SDCCAG8: variants seen among roughly 807,000 people sequenced by gnomAD.
SDCCAG8 encodes serologically defined colon cancer antigen 8.
SDCCAG8 carries 74 observed loss-of-function variants against 101.8 expected under a neutral mutation model. The observed-to-expected ratio is 0.73, with a 90% CI of 0.60 to 0.88. The LOEUF is 0.88. SDCCAG8 is among the 40% of genes least tolerant of loss of function. The pLI is 0.00. For synonymous variants in SDCCAG8, 281 were observed against 292.9 expected (o/e 0.96, Z 0.41); for missense variants, 787 against 822.6 (o/e 0.96, Z 0.53).
At chr1:243,289,830 A>G (rs1028699065) in intron 5 of SDCCAG8, among the ~76,000 whole-genome samples, 4 of 152,162 alleles carry the variant, frequency 2.6e-5, no homozygotes, top group Admixed American at 6.5e-5. Flanking sequence ...TGCAGAGGAT[A>G]GAAGTTTTCC....
At chr1:243,447,267 A>C (rs2082990282) in intron 16 of SDCCAG8, among the ~76,000 whole-genome samples, 2 of 150,796 alleles carry the variant, frequency 1.3e-5, no homozygotes, top group Non-Finnish European at 3.0e-5. Context: ...AAAAAAAAAA[A>C]AAAAAAAAAC....
At chr1:243,256,994 G>C (rs903032607) in intron 1 of SDCCAG8, among the ~76,000 whole-genome samples, 4 of 152,160 alleles carry the variant, frequency 2.6e-5, no homozygotes, top group Non-Finnish European at 5.9e-5. Context: ...TGGACTTAAT[G>C]TCTGTACTTT....
chr1:243,270,931 C>G, intron 2 of SDCCAG8, 47 bp from the exon 3 acceptor site: 1 of 1,378,158 alleles, frequency 7.3e-7, no homozygotes. Flanking sequence ...GGTAAGAAAC[C>G]ATGGATCTCA....
chr1:243,434,045 T>G (rs1254878079), intron 16 of SDCCAG8, among the ~76,000 whole-genome samples: 1 of 152,230 alleles, frequency 6.6e-6, no homozygotes, highest in Admixed American at 6.5e-5. Context: ...GAGGTCATCT[T>G]CATTTTCAAA....
At chr1:243,492,046 G>T (rs572014944) in intron 17 of SDCCAG8, among the ~76,000 whole-genome samples, 60 of 152,222 alleles carry the variant, frequency 3.9e-4, no homozygotes, top group Non-Finnish European at 7.8e-4. Context: ...CCCTGGTGGT[G>T]GGGCTCAGGC....
chr1:243,286,667 G>A (rs547499797), intron 5 of SDCCAG8, among the ~76,000 whole-genome samples: 1 of 152,316 alleles, frequency 6.6e-6, no homozygotes, highest in African/African-American at 2.4e-5. Context: ...AGCAGGAAGT[G>A]TGTTATACAG....
chr1:243,362,647 G>T (rs2076785364), intron 12 of SDCCAG8, among the ~76,000 whole-genome samples: 1 of 152,124 alleles, frequency 6.6e-6, no homozygotes, highest in Admixed American at 6.5e-5. Flanking sequence ...CTAATACTGT[G>T]ATCCTTAGCT....
intron 1 of SDCCAG8, chr1:243,269,115 A>T (rs191221961): frequency 6.6e-6 from 1 of 152,410 alleles, no homozygotes; most frequent in Non-Finnish European, 1.5e-5. Context: ...TATCTTACAT[A>T]GCGGCTTAGG....
intron 13 of SDCCAG8, among the ~76,000 whole-genome samples, chr1:243,415,391 A>G (rs1327364847): frequency 6.6e-6 from 1 of 152,222 alleles, no homozygotes; most frequent in Admixed American, 6.5e-5. Context: ...ACATTCATTG[A>G]TAGTGTAAAA....
chr1:243,322,964 G>A (rs944416666), intron 9 of SDCCAG8, among the ~76,000 whole-genome samples: 3 of 151,950 alleles, frequency 2.0e-5, no homozygotes, highest in East Asian at 1.9e-4. Context: ...GTGAGACCCC[G>A]TCTCTACTAA....
intron 15 of SDCCAG8, among the ~76,000 whole-genome samples, chr1:243,426,178 A>G (rs573812252): frequency 6.6e-6 from 1 of 151,758 alleles, no homozygotes; most frequent in East Asian, 1.9e-4. Context: ...GATCATTATC[A>G]TGTTTGTCTT....
intron 12 of SDCCAG8, among the ~76,000 whole-genome samples, chr1:243,355,818 C>T (rs2076350321): frequency 1.3e-5 from 2 of 152,050 alleles, no homozygotes; most frequent in South Asian, 2.1e-4. Flanking sequence ...CTATGTTGCC[C>T]AGGCTGGTTT....
chr1:243,323,827 C>T (rs770220911), intron 9 of SDCCAG8, among the ~76,000 whole-genome samples: 5 of 152,166 alleles, frequency 3.3e-5, no homozygotes, highest in Non-Finnish European at 7.3e-5. Context: ...AGATTTGGAA[C>T]CCTGTTAACT....
intron 4 of SDCCAG8, among the ~76,000 whole-genome samples, chr1:243,280,888 G>A (rs1313836806): frequency 2.0e-5 from 3 of 152,178 alleles, no homozygotes; most frequent in African/African-American, 7.2e-5. Context: ...GCTGTTCTTG[G>A]ATGAAGTAGT....
At chr1:243,439,851 A>C (rs939115182) in intron 16 of SDCCAG8, among the ~76,000 whole-genome samples, 5 of 152,230 alleles carry the variant, frequency 3.3e-5, no homozygotes, top group Admixed American at 6.5e-5. Flanking sequence ...TTCCCCAGCA[A>C]GCCAGCCTCT....
intron 14 of SDCCAG8, 113 bp from the exon 15 acceptor site, chr1:243,417,855 G>A (rs2148018055): frequency 1.3e-6 from 1 of 770,356 alleles, no homozygotes; most frequent in Middle Eastern, 2.3e-4. Flanking sequence ...GTGATCTAGT[G>A]GCTTATTGGA....
intron 7 of SDCCAG8, chr1:243,306,314 CTT>C (rs2072125838): frequency 6.6e-6 from 1 of 151,700 alleles, no homozygotes; most frequent in African/African-American, 2.4e-5. Flanking sequence ...TTATTTACGA[CTT>C]GATTCTTTAG....
At chr1:243,354,557 A>T (rs2076279841) in intron 12 of SDCCAG8, among the ~76,000 whole-genome samples, 1 of 152,242 alleles carries the variant, frequency 6.6e-6, no homozygotes, top group Non-Finnish European at 1.5e-5. Flanking sequence ...AAACTGTCAA[A>T]GGTAGTATTG....
chr1:243,498,194 G>C (rs180906187), intron 17 of SDCCAG8, among the ~76,000 whole-genome samples: 1 of 152,152 alleles, frequency 6.6e-6, no homozygotes, highest in African/African-American at 2.4e-5. Context: ...CTGGCCTGGA[G>C]GGCACGTCAG....
Sources: gnomAD v4.1 joint callset for allele counts (sites outside exome capture counted in the v4.1 genomes callset) on GRCh38, gnomAD v4.1.1 for gene constraint, MANE v1.5 for transcripts, NCBI Gene and HGNC (gene_info 2026-07-23, HGNC 2026-07-21) for gene names.